The following LHFPL3 variants were observed in gnomAD, a reference collection of about 807,000 sequenced individuals.
LHFPL3 encodes the protein LHFPL tetraspan subfamily member 3, also known as LHFPL tetraspan subfamily member 3 protein.
In LHFPL3, 5 loss-of-function variants were observed where a neutral mutation model predicts 19.3. That is an observed-to-expected ratio of 0.26 (90% CI 0.14 to 0.54). The LOEUF is 0.54. LHFPL3 is among the 20% of genes least tolerant of loss of function. The probability of loss-of-function intolerance (pLI) is 0.94; values close to 1 mark genes in which losing one functional copy is unlikely to be tolerated. For missense variants in LHFPL3, 249 were observed against 307.4 expected (o/e 0.81, Z 1.42); for synonymous variants, 133 against 126.2 (o/e 1.05, Z -0.36).
chr7:104,434,774 A>C lies in LHFPL3; in HGVS notation c.445+105550A>C, dbSNP rs1402179995. Among the ~76,000 whole-genome samples, 4 of 152,206 alleles carry C rather than the reference A, an allele frequency of 2.6e-5. No individual in the cohort carries two copies. In the East Asian group the frequency reaches 7.7e-4, roughly 29 times the overall value. On this transcript the variant is annotated intron_variant, in intron 1 of 2. Coordinates refer to ENST00000424859, the MANE Select transcript of LHFPL3 (RefSeq NM_199000.3). ...ATTTTCAAGGTAACTCCACTAAATC[A>C]CATGCAAGATAGCCGTGTGCTCAGA... is the stretch of plus-strand genomic sequence containing the variant.
chr7:104,360,060 C>T (rs997259083), intron 1 of LHFPL3, among the ~76,000 whole-genome samples: 1 of 152,246 alleles, frequency 6.6e-6, no homozygotes, highest in African/African-American at 2.4e-5. Flanking sequence ...AATCCTGACA[C>T]TTTCCGTTGC....
At chr7:104,890,758 AT>A (rs1212999557) in intron 2 of LHFPL3, among the ~76,000 whole-genome samples, 3 of 152,020 alleles carry the variant, frequency 2.0e-5, no homozygotes, top group Non-Finnish European at 4.4e-5. Context: ...CATCTTTGTG[AT>A]TTGTTCATTC....
chr7:104,589,411 C>T (rs984558846), intron 1 of LHFPL3, among the ~76,000 whole-genome samples: 2 of 152,144 alleles, frequency 1.3e-5, no homozygotes, highest in Non-Finnish European at 2.9e-5. Flanking sequence ...TGATGGATTA[C>T]ATTTATTGAT....
chr7:104,608,724 C>T (rs1269122723), intron 1 of LHFPL3, among the ~76,000 whole-genome samples: 1 of 152,070 alleles, frequency 6.6e-6, no homozygotes, highest in Non-Finnish European at 1.5e-5. Flanking sequence ...TAGGAGCATG[C>T]CCTTGTTTTT....
intron 1 of LHFPL3, among the ~76,000 whole-genome samples, chr7:104,383,698 A>G (rs4730002): frequency 0.34 from 51,818 of 152,064 alleles, 9,193 homozygotes; most frequent in Admixed American, 0.49. Flanking sequence ...AACAGTATTT[A>G]AAATTTAAAG....
chr7:104,466,638 C>G (rs1584339664), intron 1 of LHFPL3, among the ~76,000 whole-genome samples: 1 of 152,218 alleles, frequency 6.6e-6, no homozygotes, highest in East Asian at 1.9e-4. Context: ...TCAGTTATAA[C>G]TGACTGAAGC....
At chr7:104,385,957 C>G (rs941644318) in intron 1 of LHFPL3, among the ~76,000 whole-genome samples, 4 of 151,630 alleles carry the variant, frequency 2.6e-5, no homozygotes. Context: ...AAAAAATCAT[C>G]AAAATCAATT....
chr7:104,853,254 C>T lies in LHFPL3; in HGVS notation c.683-52933C>T, dbSNP rs145222120. On this transcript the variant is annotated intron_variant, in intron 2 of 2. Transcript: ENST00000424859. The stretch of plus-strand genomic sequence containing the variant: ...CCACCAGTGAGAAGGGGAGGTTCCT[C>T]GAGTCAGGGGACAATGAGTTGGGCC... Among the ~76,000 whole-genome samples, 249 of 152,270 alleles carry T rather than the reference C, an allele frequency of 1.6e-3. 2 individuals are homozygous for T. Among genetic ancestry groups the T allele is most frequent in the African/African-American group, 5.7e-3 (237 of 41,536 alleles).
At chr7:104,808,521 C>T (rs545979588) in intron 2 of LHFPL3, among the ~76,000 whole-genome samples, 1 of 152,104 alleles carries the variant, frequency 6.6e-6, no homozygotes, top group Admixed American at 6.6e-5. Context: ...GGCTTACTGA[C>T]TCCAAAAGCA....
chr7:104,846,462 T>G (rs1791314274), intron 2 of LHFPL3, among the ~76,000 whole-genome samples: 2 of 152,156 alleles, frequency 1.3e-5, no homozygotes, highest in Admixed American at 1.3e-4. Context: ...ACCCCTGCAG[T>G]GTTGAGACCC....
At chr7:104,845,518 T>G in intron 2 of LHFPL3, 1 of 1,464,212 alleles carries the variant, frequency 6.8e-7, no homozygotes, top group Non-Finnish European at 9.1e-7. Context: ...GTTTTCTGAT[T>G]CCCGCTTTCA....
At chr7:104,889,377 C>T (rs571569496) in intron 2 of LHFPL3, among the ~76,000 whole-genome samples, 4 of 152,150 alleles carry the variant, frequency 2.6e-5, no homozygotes, top group South Asian at 4.1e-4. Context: ...TGGTGGCTCA[C>T]GCCTGTACTC....
chr7:104,392,252 C>G (rs1433760342), intron 1 of LHFPL3, among the ~76,000 whole-genome samples: 1 of 151,778 alleles, frequency 6.6e-6, no homozygotes, highest in Non-Finnish European at 1.5e-5. Flanking sequence ...GAGGGCATCC[C>G]TGTCTTGTGC....
At chr7:104,590,028 G>A (rs1188022699) in intron 1 of LHFPL3, among the ~76,000 whole-genome samples, 1 of 152,084 alleles carries the variant, frequency 6.6e-6, no homozygotes, top group Non-Finnish European at 1.5e-5. Context: ...CTTGCTAGCG[G>A]TCTATCAATT....
At position 104,695,876 on chromosome 7, in the gene LHFPL3, G is replaced by C. The variant is rs538970458; in HGVS notation, c.446-40799G>C. On this transcript the variant is annotated intron_variant, in intron 1 of 2. Coordinates refer to ENST00000424859, the MANE Select transcript of LHFPL3 (RefSeq NM_199000.3). ...AAAACAGACTTGGGCTCAGATCCTT[G>C]CTCCCTCATTTTCTAAATGTGCATA... Among the ~76,000 whole-genome samples the C allele has an allele frequency of 7.9e-5, 12 of 152,280 alleles. No individual in the cohort carries two copies. In the East Asian group the frequency reaches 2.3e-3, roughly 29 times the overall value.
rs73409751 is a variant in LHFPL3 at position 104,564,888 on chromosome 7, G to A, written c.446-171787G>A. ...TAGGGAGGGGAACACCATCTTCCTCGCAGTGCTAGAGTAGAGACTTAGTTG... is the reference window on the plus strand; with the variant it reads ...TAGGGAGGGGAACACCATCTTCCTCACAGTGCTAGAGTAGAGACTTAGTTG... On this transcript the variant is annotated intron_variant, in intron 1 of 2. Coordinates refer to ENST00000424859, the MANE Select transcript of LHFPL3 (RefSeq NM_199000.3). 6.4e-3 allele frequency among the ~76,000 whole-genome samples: 968 copies of A among 152,282 alleles called. 11 individuals are homozygous for A. Among genetic ancestry groups the A allele is most frequent in the African/African-American group, 0.022 (908 of 41,540 alleles).
chr7:104,872,413 G>A (rs1317862577), intron 2 of LHFPL3, among the ~76,000 whole-genome samples: 3 of 151,976 alleles, frequency 2.0e-5, no homozygotes, highest in African/African-American at 7.3e-5. Flanking sequence ...AGGAGGCCAA[G>A]GTGGGTGGAT....
intron 1 of LHFPL3, among the ~76,000 whole-genome samples, chr7:104,563,928 C>A (rs927990987): frequency 1.3e-5 from 2 of 152,128 alleles, no homozygotes; most frequent in African/African-American, 4.8e-5. Flanking sequence ...TAATATTAAG[C>A]AAATGGAGTT....
At chr7:104,659,067 A>G (rs749947661) in intron 1 of LHFPL3, among the ~76,000 whole-genome samples, 6 of 152,220 alleles carry the variant, frequency 3.9e-5, no homozygotes, top group Non-Finnish European at 5.9e-5. Context: ...CGTGCCATGC[A>G]CTTACACAGT....
Sources: allele counts gnomAD v4.1 joint callset (sites outside exome capture counted in the v4.1 genomes callset), GRCh38; gene constraint gnomAD v4.1.1; transcripts MANE v1.5; gene names NCBI Gene and HGNC (gene_info 2026-07-23, HGNC 2026-07-21).